USH2A: variants seen among roughly 807,000 people sequenced by gnomAD.
USH2A encodes the protein Usher syndrome 2A (autosomal recessive, mild).
In USH2A, 443 loss-of-function variants were observed where a neutral mutation model predicts 538.9. The observed-to-expected ratio is 0.82, with a 90% CI of 0.76 to 0.89. USH2A has a LOEUF of 0.89. Ranked by LOEUF, USH2A falls within the 40% of genes least tolerant of loss-of-function variation. The pLI is 0.00. For missense variants in USH2A, 6,633 were observed against 6,324.8 expected (o/e 1.05, Z -1.65); for synonymous variants, 2,413 against 2,273.5 (o/e 1.06, Z -1.75).
At chr1:215,919,676 C>T (rs762094762) in intron 38 of USH2A, among the ~76,000 whole-genome samples, 4 of 151,974 alleles carry the variant, frequency 2.6e-5, no homozygotes, top group Admixed American at 6.6e-5. Flanking sequence ...TTCATACTTT[C>T]TCAAGAAGTA....
At chr1:216,120,161 T>A (rs1477975579) in intron 21 of USH2A, among the ~76,000 whole-genome samples, 3 of 142,692 alleles carry the variant, frequency 2.1e-5, no homozygotes, top group Non-Finnish European at 4.5e-5. Flanking sequence ...GACTATAAGA[T>A]TGAAAAATAA....
At position 215,836,707 on chromosome 1, in the gene USH2A, C is replaced by T. The variant is rs554220926; in HGVS notation, c.9371+1284G>A. On this transcript the variant is annotated intron_variant, in intron 47 of 71. Coordinates refer to ENST00000307340, the MANE Select transcript of USH2A (RefSeq NM_206933.4). ...GAGTAGCTGGGACTACAGGTGCCCCCCACCACGCCCTGCTAATTTTTTGTA... is the reference window on the plus strand; with the variant it reads ...GAGTAGCTGGGACTACAGGTGCCCCTCACCACGCCCTGCTAATTTTTTGTA... 2.8e-5 allele frequency among the ~76,000 whole-genome samples: 4 copies of T among 144,940 alleles called. No homozygotes were observed. In the East Asian group the frequency reaches 8.4e-4, roughly 30 times the overall value.
chr1:215,742,607 C>T (rs148283152), intron 59 of USH2A, among the ~76,000 whole-genome samples: 2 of 152,140 alleles, frequency 1.3e-5, no homozygotes, highest in African/African-American at 2.4e-5. Context: ...GCTACTTATC[C>T]GTTTGGAGTG....
chr1:216,183,333 C>T (rs2102648639), intron 20 of USH2A, among the ~76,000 whole-genome samples: 1 of 151,688 alleles, frequency 6.6e-6, no homozygotes, highest in South Asian at 2.1e-4. Context: ...CAAGGAGTAG[C>T]CCCTATTTAT....
At chr1:216,294,196 A>G (rs2037060057) in intron 9 of USH2A, among the ~76,000 whole-genome samples, 2 of 152,172 alleles carry the variant, frequency 1.3e-5, no homozygotes, top group South Asian at 4.1e-4. Flanking sequence ...TTAAATAACA[A>G]TTCAACTGAA....
intron 33 of USH2A, 147 bp downstream of exon 33, chr1:216,000,256 T>TAGGCTGG: frequency 8.8e-7 from 1 of 1,142,766 alleles, no homozygotes; most frequent in Non-Finnish European, 1.3e-6. Context: ...CAAGTGATAA[T>TAGGCTGG]CAAAGGTTCC....
chr1:216,033,180 A>T (rs1490125560), intron 32 of USH2A, among the ~76,000 whole-genome samples: 2 of 152,198 alleles, frequency 1.3e-5, no homozygotes, highest in Non-Finnish European at 2.9e-5. Flanking sequence ...TTCCTGAATG[A>T]CTGTGCAGAA....
At chr1:216,241,374 T>A (rs1048446919) in intron 13 of USH2A, among the ~76,000 whole-genome samples, 3 of 152,194 alleles carry the variant, frequency 2.0e-5, no homozygotes, top group Admixed American at 2.0e-4. Flanking sequence ...TTTGGTTTTT[T>A]AAATTATGCA....
chr1:216,218,111 G>T (rs1365884602), intron 14 of USH2A, among the ~76,000 whole-genome samples: 1 of 151,878 alleles, frequency 6.6e-6, no homozygotes, highest in African/African-American at 2.4e-5. Context: ...GCCTTAATAT[G>T]GGTTATATTT....
intron 9 of USH2A, among the ~76,000 whole-genome samples, chr1:216,302,931 T>A (rs2037242059): frequency 6.6e-6 from 1 of 152,098 alleles, no homozygotes; most frequent in Non-Finnish European, 1.5e-5. Context: ...AGTATTTCCT[T>A]ACTGTAGGCC....
At chr1:216,354,346 C>T (rs1254933588) in intron 4 of USH2A, among the ~76,000 whole-genome samples, 1 of 152,084 alleles carries the variant, frequency 6.6e-6, no homozygotes, top group Admixed American at 6.6e-5. Context: ...ATTTAAGACA[C>T]ATGAGAAATC....
intron 13 of USH2A, among the ~76,000 whole-genome samples, chr1:216,237,925 C>T (rs1267549850): frequency 2.6e-5 from 4 of 152,126 alleles, no homozygotes; most frequent in Non-Finnish European, 2.9e-5. Context: ...AGATTCAGGT[C>T]TCTCTGTGAA....
At chr1:216,131,014 A>G (rs746143314) in intron 21 of USH2A, among the ~76,000 whole-genome samples, 7 of 151,922 alleles carry the variant, frequency 4.6e-5, no homozygotes, top group Admixed American at 1.3e-4. Flanking sequence ...TGCAGGAGTA[A>G]GGTGGTACTG....
At chr1:216,092,342 G>A (rs1237572172) in intron 22 of USH2A, among the ~76,000 whole-genome samples, 7 of 152,148 alleles carry the variant, frequency 4.6e-5, no homozygotes, top group African/African-American at 1.7e-4. Flanking sequence ...CTTGTGTGAT[G>A]AGTATAAAAA....
At chr1:215,757,797 A>C (rs1244050836) in intron 58 of USH2A, among the ~76,000 whole-genome samples, 1 of 152,186 alleles carries the variant, frequency 6.6e-6, no homozygotes, top group Non-Finnish European at 1.5e-5. Flanking sequence ...TATTCAGCTT[A>C]CAGAGGAAAA....
intron 47 of USH2A, among the ~76,000 whole-genome samples, chr1:215,833,506 T>C (rs1234036617): frequency 6.6e-6 from 1 of 151,900 alleles, no homozygotes; most frequent in Non-Finnish European, 1.5e-5. Flanking sequence ...CAAAAAAAAT[T>C]AACCTTGACT....
intron 61 of USH2A, 36 bp from the exon 62 acceptor site, chr1:215,680,412 T>G: frequency 6.2e-7 from 1 of 1,607,470 alleles, no homozygotes. Context: ...TGTTGTTTTT[T>G]TTTTTTGAAA....
intron 69 of USH2A, 85 bp downstream of exon 69, chr1:215,639,070 A>G (rs1252967593): frequency 3.1e-5 from 38 of 1,242,342 alleles, no homozygotes; most frequent in Non-Finnish European, 1.2e-6. Context: ...ATATATTAGG[A>G]CTCCAAGTAT....
At chr1:216,147,786 A>C (rs518661) in intron 21 of USH2A, among the ~76,000 whole-genome samples, 78,300 of 140,332 alleles carry the variant, frequency 0.56, 20,380 homozygotes, top group East Asian at 0.74. Flanking sequence ...GCGGCCAGGC[A>C]TTCCTCCAGA....
Sources: gnomAD v4.1 joint callset for allele counts (sites outside exome capture counted in the v4.1 genomes callset) on GRCh38, gnomAD v4.1.1 for gene constraint, MANE v1.5 for transcripts, NCBI Gene and HGNC (gene_info 2026-07-23, HGNC 2026-07-21) for gene names.